Variants in AKR1C1 observed in about 807,000 individuals in gnomAD.
The protein encoded by AKR1C1 is 20 alpha-hydroxysteroid dehydrogenase.
A neutral mutation model predicts 40.6 loss-of-function variants in AKR1C1; 32 were observed. That is an observed-to-expected ratio of 0.79 (90% CI 0.60 to 1.06). The LOEUF (loss-of-function observed/expected upper bound fraction) is 1.06, where lower values mean the gene tolerates loss of function less well. Among genes scored for constraint, AKR1C1 ranks in the 50% least tolerant of loss-of-function variants. The pLI is 0.00. For synonymous variants in AKR1C1, 105 were observed against 134.2 expected (o/e 0.78, Z 1.50); for missense variants, 320 against 363.5 (o/e 0.88, Z 0.97).
chr10:4,969,885 G>C (rs1423952260), intron 5 of AKR1C1: 3 of 673,756 alleles, frequency 4.5e-6, no homozygotes, highest in Non-Finnish European at 7.3e-6. Context: ...TATAAAATTA[G>C]TGAATTTGGT....
At chr10:4,966,452 A>T (rs1331509672) in intron 2 of AKR1C1, among the ~76,000 whole-genome samples, 1 of 152,234 alleles carries the variant, frequency 6.6e-6, no homozygotes, top group East Asian at 1.9e-4. Flanking sequence ...ATAGAGAGAG[A>T]AAGCAATATA....
At chr10:4,964,324 A>T (rs1836295995) in intron 1 of AKR1C1, among the ~76,000 whole-genome samples, 2 of 152,224 alleles carry the variant, frequency 1.3e-5, no homozygotes, top group South Asian at 4.1e-4. Context: ...TCTATACAAT[A>T]TAAGGATTTA....
chr10:4,970,380 T>A (rs1398092575), intron 5 of AKR1C1, among the ~76,000 whole-genome samples: 1 of 152,226 alleles, frequency 6.6e-6, no homozygotes, highest in African/African-American at 2.4e-5. Flanking sequence ...AACTTGTTTT[T>A]CCCAGTTGTT....
At chr10:4,969,098 T>G (rs1307487678) in intron 5 of AKR1C1, among the ~76,000 whole-genome samples, 154 bp downstream of exon 5, 1 of 152,242 alleles carries the variant, frequency 6.6e-6, no homozygotes, top group Non-Finnish European at 1.5e-5. Flanking sequence ...GGGATCTTAC[T>G]TGTACCCGGC....
intron 5 of AKR1C1, among the ~76,000 whole-genome samples, chr10:4,970,307 G>A (rs990825200): frequency 1.3e-5 from 2 of 152,046 alleles, no homozygotes; most frequent in African/African-American, 4.8e-5. Flanking sequence ...AATATCTTTT[G>A]TAGCTCTTCT....
chr10:4,976,559 G>A (rs1554770472), intron 8 of AKR1C1, among the ~76,000 whole-genome samples: 4 of 152,210 alleles, frequency 2.6e-5, no homozygotes, highest in African/African-American at 9.6e-5. Flanking sequence ...TCTGCAATAT[G>A]GAGATCTCAG....
rs1836642370 is a variant in AKR1C1 at position 4,982,922 on chromosome 10, T to C, written c.*5180T>C. 2.2e-6 allele frequency: 1 copy of C among 449,732 alleles called. No homozygotes were observed. Among genetic ancestry groups the C allele is most frequent in the African/African-American group, 2.0e-5 (1 of 50,020 alleles). The allele number at this position is 449,732 out of a possible 1,614,324, so 27.9% of individuals were successfully genotyped here. On this transcript the variant is annotated 3_prime_UTR_variant, in exon 9 of 9. Coordinates refer to ENST00000380872, the MANE Select transcript of AKR1C1 (RefSeq NM_001353.6). ...GTCTTGAGTCGGTCCGCATGACAAG[T>C]TCACCGCTCGCATAACCAGCATTCA...
rs577440053 is a variant in AKR1C1, at chr10:4,967,123, A to T, written c.369+80A>T. On this transcript the variant is annotated intron_variant, in intron 3 of 8. Transcript: ENST00000380872. Reference sequence around the variant, plus strand: ...GTTTTTATGGATATTTGAACTAAGCATTTTCTTAGGAGGACATAGGGATTA... The same window carrying T: ...GTTTTTATGGATATTTGAACTAAGCTTTTTCTTAGGAGGACATAGGGATTA... 2.0e-5 allele frequency: 29 copies of T among 1,418,336 alleles called. No homozygotes were observed. In the East Asian group the frequency reaches 3.4e-4, roughly 17 times the overall value. 87.9% of individuals were successfully genotyped at this position (1,418,336 alleles called of 1,614,324 possible). A position where few individuals can be genotyped will look rare whatever the true frequency, so the allele number is the denominator to read the frequency against.
At chr10:4,972,492 G>A in intron 6 of AKR1C1, 92 bp from the exon 7 acceptor site, 6 of 1,604,532 alleles carry the variant, frequency 3.7e-6, no homozygotes, top group Middle Eastern at 1.8e-4. Flanking sequence ...AGAAGCTCCG[G>A]TGCAGAGTGG....
chr10:4,969,690 A>G lies in AKR1C1; in HGVS notation c.570+746A>G, dbSNP rs754274830. ...CCTTTTGTAGCCTAGAGATAATTCCATCTTTTCCTTGAGTCCTGACTGGTG... is the reference window on the plus strand; with the variant it reads ...CCTTTTGTAGCCTAGAGATAATTCCGTCTTTTCCTTGAGTCCTGACTGGTG... On this transcript the variant is annotated intron_variant, in intron 5 of 8. Transcript: ENST00000380872. 1.2e-5 allele frequency: 20 copies of G among 1,611,800 alleles called. No homozygotes were observed. The Admixed American group carries it at 3.0e-4, about 24-fold the overall frequency.
intron 8 of AKR1C1, among the ~76,000 whole-genome samples, chr10:4,976,413 C>T (rs1478589410): frequency 6.6e-6 from 1 of 151,948 alleles, no homozygotes; most frequent in Non-Finnish European, 1.5e-5. Context: ...TTGCTGGATC[C>T]TGTCGATTTA....
rs544239460 is a variant in AKR1C1, at chr10:4,979,278, A to T, written c.*1536A>T. The stretch of plus-strand genomic sequence containing the variant: ...ATCTTAGATATTCTCTGCATTAAAT[A>T]TTAAATATCACTTCTAGGCTGAAAA... On this transcript the variant is annotated 3_prime_UTR_variant, in exon 9 of 9. Transcript: ENST00000380872. The T allele has an allele frequency of 1.5e-4, 23 of 152,332 alleles. No individual in the cohort carries two copies. Among genetic ancestry groups the T allele is most frequent in the African/African-American group, 4.8e-4 (20 of 41,584 alleles). 9.4% of individuals were successfully genotyped at this position (152,332 alleles called of 1,614,324 possible). A position where few individuals can be genotyped will look rare whatever the true frequency, so the allele number is the denominator to read the frequency against.
Position 4,963,427 on chromosome 10 carries a change from G to C in AKR1C1, c.-18G>C. Reference sequence around the variant, plus strand: ...GGGAGGAAGAAAGAAACATTTGCCAGCCAGGCTAGTGACAGAAATGGATTC... The same window carrying C: ...GGGAGGAAGAAAGAAACATTTGCCACCCAGGCTAGTGACAGAAATGGATTC... On this transcript the variant is annotated 5_prime_UTR_variant, in exon 1 of 9. Transcript: ENST00000380872. 2 of 1,613,656 alleles carry C rather than the reference G, an allele frequency of 1.2e-6. No homozygotes were observed. Among genetic ancestry groups the C allele is most frequent in the Non-Finnish European group, 1.7e-6 (2 of 1,179,618 alleles).
rs1253067444 is a variant in AKR1C1 at position 4,979,158 on chromosome 10, A to G, written c.*1416A>G. On this transcript the variant is annotated 3_prime_UTR_variant, in exon 9 of 9. Transcript: ENST00000380872. The stretch of plus-strand genomic sequence containing the variant: ...TTTTGCAGCTCACAGTTTTTTCCGT[A>G]AATTACTTATTCTATAAAATTGGAG... The G allele has an allele frequency of 6.6e-6, 1 of 152,170 alleles. No homozygotes were observed. Among genetic ancestry groups the G allele is most frequent in the African/African-American group, 2.4e-5 (1 of 41,440 alleles). The allele number at this position is 152,170 out of a possible 1,614,324, so 9.4% of individuals were successfully genotyped here.
intron 5 of AKR1C1, among the ~76,000 whole-genome samples, chr10:4,970,218 G>A (rs995225099): frequency 6.6e-6 from 1 of 152,156 alleles, no homozygotes; most frequent in African/African-American, 2.4e-5. Flanking sequence ...TGTCATTACT[G>A]TATCTAAGAA....
intron 1 of AKR1C1, among the ~76,000 whole-genome samples, chr10:4,964,299 G>T (rs186070234): frequency 4.0e-4 from 61 of 152,286 alleles, no homozygotes; most frequent in Admixed American, 7.8e-4. Context: ...TAAAATTTGG[G>T]TTTCACATTT....
intron 7 of AKR1C1, among the ~76,000 whole-genome samples, chr10:4,974,525 T>C (rs1280553324): frequency 6.6e-6 from 1 of 152,098 alleles, no homozygotes; most frequent in Non-Finnish European, 1.5e-5. Context: ...TATTACTGTG[T>C]TATCTTACAA....
rs1172203722 is a variant in AKR1C1 at position 4,971,460 on chromosome 10, A to C, written c.571-741A>C. Reference sequence around the variant, plus strand: ...ATTCTTGTGTTATGATTTTTAATTTATTTTACTCATTTTTTAATGCTCACA... The same window carrying C: ...ATTCTTGTGTTATGATTTTTAATTTCTTTTACTCATTTTTTAATGCTCACA... On this transcript the variant is annotated intron_variant, in intron 5 of 8. Transcript: ENST00000380872. Among the ~76,000 whole-genome samples, 15 of 148,080 alleles carry C rather than the reference A, an allele frequency of 1.0e-4. 1 individual carries two copies. The South Asian group carries it at 3.2e-3, about 31-fold the overall frequency.
At chr10:4,967,075 C>T (rs1464363998) in intron 3 of AKR1C1, 32 bp downstream of exon 3, 1 of 1,583,700 alleles carries the variant, frequency 6.3e-7, no homozygotes, top group Non-Finnish European at 8.7e-7. Context: ...ATTAATTTCA[C>T]TTTTGTTCTC....
Sources: allele counts gnomAD v4.1 joint callset (sites outside exome capture counted in the v4.1 genomes callset), GRCh38; gene constraint gnomAD v4.1.1; transcripts MANE v1.5; gene names NCBI Gene and HGNC (gene_info 2026-07-23, HGNC 2026-07-21).